PCDH9: variants seen among roughly 807,000 people sequenced by gnomAD.
The protein encoded by PCDH9 is protocadherin-9.
Under a neutral mutation model 70.6 loss-of-function variants are expected in PCDH9, and 24 were observed. The observed-to-expected ratio is 0.34, with a 90% confidence interval of 0.25 to 0.48. The LOEUF (loss-of-function observed/expected upper bound fraction) is 0.48, where lower values mean the gene tolerates loss of function less well. Ranked by LOEUF, PCDH9 falls within the 20% of genes least tolerant of loss-of-function variation. PCDH9 has a pLI of 0.99. For synonymous variants in PCDH9, 562 were observed against 558.5 expected (o/e 1.01, Z -0.09); for missense variants, 1,281 against 1,503.6 (o/e 0.85, Z 2.45).
chr13:66,881,659 C>A (rs1389119817), intron 3 of PCDH9, among the ~76,000 whole-genome samples: 1 of 152,092 alleles, frequency 6.6e-6, no homozygotes, highest in Non-Finnish European at 1.5e-5. Context: ...ATAACAAAAT[C>A]ATTTACAATG....
In PCDH9 at chr13:66,671,181, C is replaced by T. The variant is rs1190071812; in HGVS notation, c.3139-39770G>A. On this transcript the variant is annotated intron_variant, in intron 3 of 4. Transcript: ENST00000377865. ...GACCTTGCTCCTCCTTCGCCTTCTG[C>T]CACGATGGTGAGGCTCCCCAGCCAT... is the stretch of plus-strand genomic sequence containing the variant. 5.3e-5 allele frequency among the ~76,000 whole-genome samples: 8 copies of T among 152,270 alleles called. No homozygotes were observed. In the East Asian group the frequency reaches 1.5e-3, roughly 29 times the overall value.
At chr13:66,838,094 C>G (rs2081053457) in intron 3 of PCDH9, among the ~76,000 whole-genome samples, 1 of 152,110 alleles carries the variant, frequency 6.6e-6, no homozygotes, top group Admixed American at 6.5e-5. Context: ...TTTACCATGA[C>G]TTCCAGGTTT....
At chr13:66,536,321 G>A (rs1013811814) in intron 4 of PCDH9, among the ~76,000 whole-genome samples, 14 of 152,060 alleles carry the variant, frequency 9.2e-5, no homozygotes, top group Admixed American at 8.5e-4. Flanking sequence ...CCATGCAGGT[G>A]TGAATGTAAT....
intron 2 of PCDH9, among the ~76,000 whole-genome samples, chr13:67,084,000 G>T (rs1483151645): frequency 6.6e-5 from 10 of 152,078 alleles, no homozygotes; most frequent in Admixed American, 5.9e-4. Context: ...CACTCTTAGG[G>T]GATTTTGGGA....
intron 2 of PCDH9, among the ~76,000 whole-genome samples, chr13:67,004,573 A>G (rs963306427): frequency 2.0e-5 from 3 of 151,102 alleles, no homozygotes; most frequent in African/African-American, 7.3e-5. Flanking sequence ...AAAAAGAAAG[A>G]AAGAAAGAAA....
intron 4 of PCDH9, among the ~76,000 whole-genome samples, chr13:66,580,785 G>T (rs145561091): frequency 1.0e-3 from 159 of 152,026 alleles, no homozygotes; most frequent in African/African-American, 3.7e-3. Context: ...TTGTTAAAAA[G>T]ACAATAAGCT....
intron 3 of PCDH9, among the ~76,000 whole-genome samples, chr13:66,745,327 T>G (rs1176005239): frequency 6.6e-6 from 1 of 152,144 alleles, no homozygotes. Flanking sequence ...AATACACAGT[T>G]TCCTTCTTGA....
At chr13:66,927,291 C>G (rs1182372818) in intron 2 of PCDH9, among the ~76,000 whole-genome samples, 1 of 151,934 alleles carries the variant, frequency 6.6e-6, no homozygotes, top group East Asian at 1.9e-4. Flanking sequence ...CAAACTAACG[C>G]AGGAAGAGAA....
intron 4 of PCDH9, among the ~76,000 whole-genome samples, chr13:66,321,624 G>C (rs570470713): frequency 7.9e-5 from 12 of 151,950 alleles, no homozygotes; most frequent in African/African-American, 2.9e-4. Context: ...GTTTTCATTG[G>C]TTTGTTTAAT....
intron 2 of PCDH9, among the ~76,000 whole-genome samples, chr13:67,111,346 A>G (rs1011520764): frequency 6.6e-6 from 1 of 152,154 alleles, no homozygotes; most frequent in Admixed American, 6.5e-5. Flanking sequence ...TCTTTTAGCC[A>G]AGTGATCCTT....
chr13:66,576,070 A>T (rs1278833154), intron 4 of PCDH9, among the ~76,000 whole-genome samples: 16 of 125,244 alleles, frequency 1.3e-4, no homozygotes, highest in African/African-American at 3.5e-4. Flanking sequence ...CACAGCAGAT[A>T]AAAAAAAAAA....
At chr13:66,496,713 T>G (rs1389026299) in intron 4 of PCDH9, among the ~76,000 whole-genome samples, 1 of 152,190 alleles carries the variant, frequency 6.6e-6, no homozygotes, top group Non-Finnish European at 1.5e-5. Context: ...AATCACATAC[T>G]TGTACCAACA....
At chr13:67,103,292 C>T (rs1233137270) in intron 2 of PCDH9, among the ~76,000 whole-genome samples, 1 of 152,048 alleles carries the variant, frequency 6.6e-6, no homozygotes, top group Non-Finnish European at 1.5e-5. Flanking sequence ...GGGAAATGGA[C>T]ACCTCTTTAT....
intron 4 of PCDH9, among the ~76,000 whole-genome samples, chr13:66,524,077 G>A (rs1566390450): frequency 6.6e-6 from 1 of 151,890 alleles, no homozygotes; most frequent in Admixed American, 6.6e-5. Flanking sequence ...TAAATAGTGG[G>A]AATGGGCTTT....
chr13:66,684,174 C>T (rs182640369), intron 3 of PCDH9, among the ~76,000 whole-genome samples: 5 of 152,142 alleles, frequency 3.3e-5, no homozygotes, highest in African/African-American at 9.7e-5. Flanking sequence ...AAATAAATGA[C>T]AGTTTAGTCT....
chr13:66,445,314 T>C (rs897733189), intron 4 of PCDH9, among the ~76,000 whole-genome samples: 40 of 147,608 alleles, frequency 2.7e-4, no homozygotes, highest in African/African-American at 9.1e-4. Flanking sequence ...CTGATTCCTA[T>C]TTTTTCAAGG....
intron 4 of PCDH9, among the ~76,000 whole-genome samples, chr13:66,617,994 C>T (rs143896284): frequency 2.0e-5 from 3 of 152,100 alleles, no homozygotes; most frequent in Admixed American, 6.5e-5. Context: ...AGCCAGCCTG[C>T]GCACTGAGTT....
At chr13:66,753,680 C>T (rs1320219980) in intron 3 of PCDH9, among the ~76,000 whole-genome samples, 1 of 152,176 alleles carries the variant, frequency 6.6e-6, no homozygotes, top group Non-Finnish European at 1.5e-5. Flanking sequence ...TCATCATCAT[C>T]TGTCTTCTCA....
chr13:66,786,727 G>A (rs1387370848), intron 3 of PCDH9, among the ~76,000 whole-genome samples: 1 of 152,122 alleles, frequency 6.6e-6, no homozygotes, highest in Non-Finnish European at 1.5e-5. Context: ...TTGGGTAACT[G>A]TATAATTTAA....
Sources: allele counts gnomAD v4.1 joint callset (sites outside exome capture counted in the v4.1 genomes callset), GRCh38; gene constraint gnomAD v4.1.1; transcripts MANE v1.5; gene names NCBI Gene and HGNC (gene_info 2026-07-23, HGNC 2026-07-21).